The following TMEM242 variants were observed in gnomAD, a reference collection of about 807,000 sequenced individuals.
TMEM242 encodes the protein UPF0463 transmembrane protein C6orf35.
In TMEM242, 10 loss-of-function variants were observed where a neutral mutation model predicts 18.2. The observed-to-expected ratio is 0.55, with a 90% CI of 0.34 to 0.93. TMEM242 has a LOEUF of 0.93. Among genes scored for constraint, TMEM242 ranks in the 40% least tolerant of loss-of-function variants. TMEM242 has a pLI of 0.02. For missense variants in TMEM242, 186 were observed against 175.5 expected, an observed-to-expected ratio of 1.06 and a Z score of -0.34; for synonymous variants, 57 against 69.9, an observed-to-expected ratio of 0.81 and a Z score of 0.92.
At chr6:157,319,581 T>C (rs587766235) in intron 2 of TMEM242, among the ~76,000 whole-genome samples, 1 of 152,358 alleles carries the variant, frequency 6.6e-6, no homozygotes, top group South Asian at 2.1e-4. Flanking sequence ...GCATCTATTA[T>C]TGCTTTTCAA....
At chr6:157,299,299 A>C (rs782212717) in intron 3 of TMEM242, 4 of 794,690 alleles carry the variant, frequency 5.0e-6, no homozygotes, top group African/African-American at 1.7e-5. Flanking sequence ...ATAATCTCAT[A>C]GGCACTAGCA....
At chr6:157,310,669 T>G (rs1554248381) in intron 3 of TMEM242, among the ~76,000 whole-genome samples, 1 of 151,118 alleles carries the variant, frequency 6.6e-6, no homozygotes, top group African/African-American at 2.5e-5. Flanking sequence ...CTCATCATAG[T>G]GTCCCAGTGT....
At chr6:157,306,554 C>T (rs1324033130) in intron 3 of TMEM242, among the ~76,000 whole-genome samples, 1 of 152,060 alleles carries the variant, frequency 6.6e-6, no homozygotes, top group Non-Finnish European at 1.5e-5. Flanking sequence ...ACACGGGATG[C>T]CTGCAGGACA....
At chr6:157,321,299 C>T (rs1256567117) in intron 2 of TMEM242, among the ~76,000 whole-genome samples, 4 of 152,130 alleles carry the variant, frequency 2.6e-5, no homozygotes, top group Admixed American at 6.5e-5. Flanking sequence ...TGAGCCACCT[C>T]GCCCGGCCTT....
intron 3 of TMEM242, among the ~76,000 whole-genome samples, chr6:157,296,557 C>T (rs1777752380): frequency 6.6e-6 from 1 of 152,230 alleles, no homozygotes; most frequent in Non-Finnish European, 1.5e-5. Flanking sequence ...GTGGCGCACG[C>T]CTGTAGCCCC....
At chr6:157,304,249 TGA>T (rs1554247729) in intron 3 of TMEM242, among the ~76,000 whole-genome samples, 2 of 152,018 alleles carry the variant, frequency 1.3e-5, no homozygotes, top group African/African-American at 4.8e-5. Context: ...GTGGATCACT[TGA>T]GGTCAGGCAT....
At chr6:157,310,218 G>C (rs782068486) in intron 3 of TMEM242, among the ~76,000 whole-genome samples, 11 of 152,194 alleles carry the variant, frequency 7.2e-5, no homozygotes, top group Non-Finnish European at 1.0e-4. Context: ...TGAGTCACAT[G>C]TAAATAACCA....
chr6:157,323,022 C>A (rs1201818372), intron 1 of TMEM242, among the ~76,000 whole-genome samples: 1 of 152,276 alleles, frequency 6.6e-6, no homozygotes, highest in Non-Finnish European at 1.5e-5. Context: ...TTGGGTCATT[C>A]CGAATTATTA....
At chr6:157,310,963 G>A (rs1554248526) in intron 3 of TMEM242, among the ~76,000 whole-genome samples, 3 of 140,106 alleles carry the variant, frequency 2.1e-5, no homozygotes, top group African/African-American at 8.0e-5. Context: ...CACTCACCTG[G>A]CCTCATCATA....
At chr6:157,293,069 C>T (rs966738621) in intron 3 of TMEM242, 70 bp from the exon 4 acceptor site, 1 of 1,127,984 alleles carries the variant, frequency 8.9e-7, no homozygotes, top group Non-Finnish European at 1.3e-6. Context: ...GAGATGGCAC[C>T]TTTGCTGACT....
At chr6:157,301,562 T>G (rs1171134424) in intron 3 of TMEM242, among the ~76,000 whole-genome samples, 4 of 152,178 alleles carry the variant, frequency 2.6e-5, no homozygotes, top group African/African-American at 9.7e-5. Context: ...TCTGCCTGTC[T>G]CGGCCTCCCA....
intron 3 of TMEM242, among the ~76,000 whole-genome samples, chr6:157,301,698 T>C (rs1459399439): frequency 5.9e-5 from 9 of 152,132 alleles, no homozygotes; most frequent in Non-Finnish European, 1.0e-4. Context: ...CTTTGGAGGC[T>C]GAGTTTGTGG....
At chr6:157,294,921 T>C (rs1431570023) in intron 3 of TMEM242, among the ~76,000 whole-genome samples, 1 of 152,204 alleles carries the variant, frequency 6.6e-6, no homozygotes, top group East Asian at 1.9e-4. Flanking sequence ...ATGGAGACAG[T>C]AATTACCTGC....
At chr6:157,301,423 T>C (rs1194263967) in intron 3 of TMEM242, among the ~76,000 whole-genome samples, 1 of 152,074 alleles carries the variant, frequency 6.6e-6, no homozygotes, top group Non-Finnish European at 1.5e-5. Flanking sequence ...GCCATTCTCC[T>C]GTCTCAGCCT....
intron 3 of TMEM242, among the ~76,000 whole-genome samples, chr6:157,311,080 T>G (rs140679602): frequency 6.2e-4 from 9 of 14,558 alleles, no homozygotes; most frequent in African/African-American, 1.8e-3. Context: ...CCCAGTGTGC[T>G]CACACCTAGC....
chr6:157,318,650 T>C (rs1778445289), intron 3 of TMEM242, 132 bp downstream of exon 3: 1 of 977,662 alleles, frequency 1.0e-6, no homozygotes, highest in Non-Finnish European at 1.5e-6. Flanking sequence ...AAGAATTTAG[T>C]CACGTACTCT....
intron 2 of TMEM242, among the ~76,000 whole-genome samples, chr6:157,320,119 C>CT (rs782757965): frequency 5.3e-5 from 8 of 152,216 alleles, no homozygotes; most frequent in Non-Finnish European, 1.0e-4. Context: ...TCCAAAATCT[C>CT]TGAGTTCTTC....
chr6:157,306,040 G>A (rs1777914091), intron 3 of TMEM242, among the ~76,000 whole-genome samples: 1 of 152,216 alleles, frequency 6.6e-6, no homozygotes, highest in African/African-American at 2.4e-5. Flanking sequence ...GAGCATGTCT[G>A]TACACACCAC....
intron 3 of TMEM242, among the ~76,000 whole-genome samples, chr6:157,314,032 A>G (rs587769826): frequency 4.6e-4 from 1 of 2,186 alleles, no homozygotes; most frequent in South Asian, 9.8e-3. Flanking sequence ...GTGTGCACTC[A>G]CCCGGCCTCG....
Sources: gnomAD v4.1 joint callset for allele counts (sites outside exome capture counted in the v4.1 genomes callset) on GRCh38, gnomAD v4.1.1 for gene constraint, MANE v1.5 for transcripts, NCBI Gene and HGNC (gene_info 2026-07-23, HGNC 2026-07-21) for gene names.